Variants in SRFBP1 observed in about 807,000 individuals in gnomAD.
SRFBP1 encodes the protein serum response factor-binding protein 1.
A neutral mutation model predicts 45.5 loss-of-function variants in SRFBP1; 47 were observed. The ratio of observed to expected loss-of-function variants is 1.03; its 90% CI spans 0.82 to 1.32. SRFBP1 has a LOEUF of 1.32. Ranked by LOEUF, SRFBP1 falls within the 40% of genes most tolerant of loss-of-function variation. SRFBP1 has a pLI of 0.00. For synonymous variants in SRFBP1, 203 were observed against 166.3 expected, an observed-to-expected ratio of 1.22 and a Z score of -1.70; for missense variants, 621 against 484.6, an observed-to-expected ratio of 1.28 and a Z score of -2.64.
At chr5:121,985,086 T>C (rs1752484716) in intron 3 of SRFBP1, among the ~76,000 whole-genome samples, 1 of 151,858 alleles carries the variant, frequency 6.6e-6, no homozygotes, top group Non-Finnish European at 1.5e-5. Flanking sequence ...TATAAAAATA[T>C]AGAAATTAAT....
chr5:122,048,623 C>A (rs941894741), intron 2 of SRFBP1, among the ~76,000 whole-genome samples: 17 of 152,094 alleles, frequency 1.1e-4, no homozygotes, highest in African/African-American at 3.1e-4. Flanking sequence ...AGGAATGGTA[C>A]CAGCTCCTCT....
chr5:122,033,671 C>T (rs1054738662), intron 2 of SRFBP1, among the ~76,000 whole-genome samples: 4 of 151,734 alleles, frequency 2.6e-5, no homozygotes, highest in African/African-American at 7.3e-5. Flanking sequence ...GTTGGCCAGG[C>T]TGGTCTCGAA....
chr5:121,994,355 G>C (rs1752675148), intron 3 of SRFBP1, among the ~76,000 whole-genome samples: 1 of 151,834 alleles, frequency 6.6e-6, no homozygotes, highest in South Asian at 2.1e-4. Context: ...ATACAGTATA[G>C]AGTTAGGTTT....
chr5:122,056,269 G>A (rs1754076514), intron 2 of SRFBP1, among the ~76,000 whole-genome samples: 1 of 151,294 alleles, frequency 6.6e-6, no homozygotes, highest in Non-Finnish European at 1.5e-5. Flanking sequence ...TTGTTCTTGA[G>A]TGGTTATGAA....
intron 2 of SRFBP1, among the ~76,000 whole-genome samples, chr5:122,073,627 C>A (rs1387940302): frequency 6.6e-6 from 1 of 152,138 alleles, no homozygotes; most frequent in Non-Finnish European, 1.5e-5. Context: ...ACCATTCAGA[C>A]TTTTTCAGAG....
intron 2 of SRFBP1, chr5:122,063,100 A>G (rs1260623127): frequency 6.6e-6 from 1 of 152,132 alleles, no homozygotes; most frequent in South Asian, 2.1e-4. Context: ...ACAAAAGGCA[A>G]TTAAGAGAAA....
At position 121,967,252 on chromosome 5, in the gene SRFBP1, G is replaced by A. The variant is rs553025430; in HGVS notation, c.36+5184G>A. 1.1e-4 allele frequency among the ~76,000 whole-genome samples: 16 copies of A among 152,234 alleles called. No homozygotes were observed. In the South Asian group the frequency reaches 2.9e-3, roughly 28 times the overall value. ...AATGTCAAGAACCACGTTTGTATGC[G>A]CTTATGAAGTTACAAAACGCTTGTG... On this transcript the variant is annotated intron_variant, in intron 1 of 7. Transcript: ENST00000339397.
At chr5:122,016,296 G>A (rs1345373579) in intron 4 of SRFBP1, among the ~76,000 whole-genome samples, 2 of 151,964 alleles carry the variant, frequency 1.3e-5, no homozygotes, top group African/African-American at 4.8e-5. Flanking sequence ...TTTTAGGGGA[G>A]CCAGTAGCTT....
intron 2 of SRFBP1, among the ~76,000 whole-genome samples, chr5:122,044,539 A>G (rs1019602897): frequency 6.6e-6 from 1 of 151,936 alleles, no homozygotes; most frequent in African/African-American, 2.4e-5. Context: ...CTTTTTAATA[A>G]TAGCCATTCT....
At chr5:122,005,224 G>T (rs1020175275) in intron 4 of SRFBP1, among the ~76,000 whole-genome samples, 1 of 152,086 alleles carries the variant, frequency 6.6e-6, no homozygotes, top group Non-Finnish European at 1.5e-5. Flanking sequence ...GATGACCTGT[G>T]CATTGCTGAA....
At chr5:121,993,022 C>T (rs1050285073) in intron 3 of SRFBP1, among the ~76,000 whole-genome samples, 1 of 152,118 alleles carries the variant, frequency 6.6e-6, no homozygotes, top group Non-Finnish European at 1.5e-5. Flanking sequence ...AACTTGTTAG[C>T]TTGCAAATCT....
At chr5:121,976,197 A>G (rs564227369) in intron 3 of SRFBP1, among the ~76,000 whole-genome samples, 2 of 152,180 alleles carry the variant, frequency 1.3e-5, no homozygotes, top group East Asian at 3.9e-4. Flanking sequence ...AACGGATAGT[A>G]AAGTGTTTAA....
rs775486122 is a variant in SRFBP1 at position 121,974,251 on chromosome 5, T to G, written c.92T>G (p.Leu31Arg). Residue 31 changes from leucine to arginine, a missense_variant, in exon 2 of 8, where the codon CTT (leucine) becomes CGT (arginine). Transcript: ENST00000339397. ...KRIRVLVIRKLVRSVGRLKSK... is the reference protein window; with the variant it reads ...KRIRVLVIRKRVRSVGRLKSK... ...ATTCGAGTTTTAGTTATCCGAAAAC[T>G]TGTCAGGAGTGTTGGCCGACTGAAG... is the stretch of plus-strand genomic sequence containing the variant. 6.2e-7 allele frequency: 1 copy of G among 1,611,608 alleles called. No homozygotes were observed. The highest frequency in any genetic ancestry group is 8.5e-7 in the Non-Finnish European group (1 of 1,178,228).
At chr5:121,995,951 A>G (rs1043817622) in intron 4 of SRFBP1, among the ~76,000 whole-genome samples, 4 of 152,206 alleles carry the variant, frequency 2.6e-5, no homozygotes, top group Non-Finnish European at 5.9e-5. Context: ...CACTCTCCCA[A>G]GACTAAACCA....
intron 4 of SRFBP1, among the ~76,000 whole-genome samples, chr5:122,012,171 T>A (rs1294186001): frequency 6.6e-6 from 1 of 152,086 alleles, no homozygotes; most frequent in Non-Finnish European, 1.5e-5. Flanking sequence ...ATTGATAAAA[T>A]CTTTGGTCCA....
chr5:121,994,975 C>A (rs940127134), intron 4 of SRFBP1, among the ~76,000 whole-genome samples: 6 of 151,930 alleles, frequency 3.9e-5, no homozygotes, highest in African/African-American at 1.5e-4. Context: ...ACAAGAAGAG[C>A]TAACTATCCT....
chr5:122,057,174 C>A (rs1223245166), intron 2 of SRFBP1, among the ~76,000 whole-genome samples: 1 of 152,090 alleles, frequency 6.6e-6, no homozygotes, highest in Non-Finnish European at 1.5e-5. Context: ...GTCAACAGAT[C>A]ATTTGTATAA....
intron 2 of SRFBP1, among the ~76,000 whole-genome samples, chr5:122,054,711 A>G (rs1754048989): frequency 6.6e-6 from 1 of 151,894 alleles, no homozygotes; most frequent in Admixed American, 6.6e-5. Flanking sequence ...CCTTTCCTCC[A>G]CTACTATTAG....
At chr5:122,053,748 T>A (rs1251252550) in intron 2 of SRFBP1, among the ~76,000 whole-genome samples, 1 of 151,904 alleles carries the variant, frequency 6.6e-6, no homozygotes, top group African/African-American at 2.4e-5. Flanking sequence ...AGCTGTATCC[T>A]CCAGTTGAGT....
Sources: allele counts gnomAD v4.1 joint callset (sites outside exome capture counted in the v4.1 genomes callset), GRCh38; gene constraint gnomAD v4.1.1; transcripts MANE v1.5; gene names NCBI Gene and HGNC (gene_info 2026-07-23, HGNC 2026-07-21).